The following FAM13B variants were observed in gnomAD, a reference collection of about 807,000 sequenced individuals.
The protein encoded by FAM13B is family with sequence similarity 13 member B.
A neutral mutation model predicts 117.3 loss-of-function variants in FAM13B; 60 were observed. The observed-to-expected ratio is 0.51, with a 90% CI of 0.42 to 0.63. FAM13B has a LOEUF of 0.63. Ranked by LOEUF, FAM13B falls within the 30% of genes least tolerant of loss-of-function variation. The pLI is 0.00. For synonymous variants in FAM13B, 332 were observed against 356.1 expected (o/e 0.93, Z 0.76); for missense variants, 972 against 1,091.9 (o/e 0.89, Z 1.55).
chr5:137,948,887 CTAT>C, intron 18 of FAM13B, 65 bp downstream of exon 18: 1 of 1,206,292 alleles, frequency 8.3e-7, no homozygotes, highest in South Asian at 1.3e-5. Flanking sequence ...CTCTACCCTG[CTAT>C]AGTAATTATT....
At chr5:137,992,489 G>A (rs1170861969) in intron 7 of FAM13B, among the ~76,000 whole-genome samples, 1 of 152,050 alleles carries the variant, frequency 6.6e-6, no homozygotes, top group Non-Finnish European at 1.5e-5. Flanking sequence ...AGCTACTCGG[G>A]AGGCTGAGGC....
chr5:138,011,071 A>C lies in FAM13B; in HGVS notation c.627T>G (p.Tyr209Ter). 6.2e-7 allele frequency: 1 copy of C among 1,609,798 alleles called. No homozygotes were observed. Among genetic ancestry groups the C allele is most frequent in the Non-Finnish European group, 8.5e-7 (1 of 1,179,042 alleles). The change falls in exon 6 of 24, where the codon TAT (tyrosine) becomes TAG (stop). Residue 209 changes from tyrosine to a stop codon, truncating the protein, a stop_gained. Transcript: ENST00000689681. LOFTEE classifies it high-confidence loss of function. Reference protein sequence around the residue: ...RIMAGLLENYYEFFENEEEDF... With the variant: ...RIMAGLLENY The stretch of plus-strand genomic sequence containing the variant: ...CTTCCTCTTCATTCTCAAAAAACTC[A>C]TAGTAGTTTTCCAGAAGTCCAGCCA...
chr5:138,010,712 A>G (rs1217251321), intron 6 of FAM13B, among the ~76,000 whole-genome samples: 1 of 152,120 alleles, frequency 6.6e-6, no homozygotes, highest in African/African-American at 2.4e-5. Context: ...TCTCTGCAAA[A>G]AACCAAAACA....
chr5:137,954,391 C>G lies in FAM13B; in HGVS notation c.1508-15G>C, dbSNP rs768839991. Reference sequence around the variant, plus strand: ...AGGAAATGGCTCTATAAAACAAACACAAAGAATAGTACCATGGGTCTCTTG... The same window carrying G: ...AGGAAATGGCTCTATAAAACAAACAGAAAGAATAGTACCATGGGTCTCTTG... On this transcript the variant is annotated splice_polypyrimidine_tract_variant and intron_variant, in intron 14 of 23. Coordinates refer to ENST00000689681, the MANE Select transcript of FAM13B (RefSeq NM_001385994.1). 2.5e-6 allele frequency: 4 copies of G among 1,605,284 alleles called. No individual in the cohort carries two copies. The highest frequency in any genetic ancestry group is 3.4e-6 in the Non-Finnish European group (4 of 1,174,322).
At chr5:138,044,697 G>A (rs974233715) in intron 1 of FAM13B, among the ~76,000 whole-genome samples, 1 of 152,064 alleles carries the variant, frequency 6.6e-6, no homozygotes, top group African/African-American at 2.4e-5. Flanking sequence ...CAAGCCAAAA[G>A]ACTGGAAAAG....
chr5:138,033,071 A>C lies in FAM13B; in HGVS notation c.-492T>G. On this transcript the variant is annotated 5_prime_UTR_variant, in exon 1 of 24. Transcript: ENST00000689681. The stretch of plus-strand genomic sequence containing the variant: ...AGCCTCCCTAACGGCGAGCGGGAGG[A>C]GAGCGGCTGGCGGGCGGAGGCCGGG... The C allele has an allele frequency of 1.0e-6, 1 of 979,046 alleles. No homozygotes were observed. The highest frequency in any genetic ancestry group is 1.2e-6 in the Non-Finnish European group (1 of 829,062). The allele number at this position is 979,046 out of a possible 1,614,324, so 60.6% of individuals were successfully genotyped here.
chr5:137,981,187 C>T (rs1775640318), intron 10 of FAM13B, among the ~76,000 whole-genome samples: 2 of 149,226 alleles, frequency 1.3e-5, no homozygotes. Flanking sequence ...ACGCTCTCAC[C>T]ATGACCTCCC....
chr5:138,038,810 A>G (rs140404527), intron 1 of FAM13B, among the ~76,000 whole-genome samples: 15 of 152,340 alleles, frequency 9.8e-5, no homozygotes, highest in Admixed American at 9.8e-4. Flanking sequence ...TTATTTATTC[A>G]ACACATATTT....
At chr5:138,000,929 C>CA (rs137895601) in intron 7 of FAM13B, among the ~76,000 whole-genome samples, 420 of 17,844 alleles carry the variant, frequency 0.024, 2 homozygotes, top group East Asian at 0.12. Context: ...GACACTGTCT[C>CA]AAAAAACAAA....
At chr5:137,989,925 G>T (rs544730730) in intron 7 of FAM13B, among the ~76,000 whole-genome samples, 155 of 152,246 alleles carry the variant, frequency 1.0e-3, no homozygotes, top group African/African-American at 3.6e-3. Flanking sequence ...GTACAAAGAA[G>T]AGTGTAGCCA....
intron 1 of FAM13B, among the ~76,000 whole-genome samples, chr5:138,041,787 G>T (rs1581330356): frequency 1.3e-5 from 2 of 151,846 alleles, no homozygotes; most frequent in African/African-American, 4.8e-5. Flanking sequence ...AAAAATTGGG[G>T]GTGGGGGGTG....
chr5:138,009,537 G>A (rs1783426938), intron 6 of FAM13B, among the ~76,000 whole-genome samples: 1 of 152,162 alleles, frequency 6.6e-6, no homozygotes, highest in Non-Finnish European at 1.5e-5. Flanking sequence ...AGGTGCAGTG[G>A]CTCATGCTTG....
intron 17 of FAM13B, among the ~76,000 whole-genome samples, chr5:137,949,815 G>C (rs1364208128): frequency 7.2e-6 from 1 of 139,472 alleles, no homozygotes; most frequent in East Asian, 2.1e-4. Context: ...AAAAAAAAAA[G>C]CTGAGCACTG....
At chr5:137,957,678 G>A (rs534030451) in intron 13 of FAM13B, among the ~76,000 whole-genome samples, 1 of 152,238 alleles carries the variant, frequency 6.6e-6, no homozygotes, top group South Asian at 2.1e-4. Context: ...TGGCTGGGAA[G>A]TTCGCTCAGG....
chr5:137,962,048 TCTC>T (rs1237019659), intron 11 of FAM13B, among the ~76,000 whole-genome samples: 5 of 152,174 alleles, frequency 3.3e-5, no homozygotes, highest in African/African-American at 4.8e-5. Context: ...AAATACAGTA[TCTC>T]TCAGTTAGTT....
At chr5:137,974,925 G>C (rs916512196) in intron 10 of FAM13B, among the ~76,000 whole-genome samples, 11 of 152,162 alleles carry the variant, frequency 7.2e-5, no homozygotes, top group African/African-American at 2.4e-4. Flanking sequence ...ATTCTGTGAA[G>C]TGAAAATGAC....
At chr5:137,959,061 C>T (rs1767373342) in intron 13 of FAM13B, among the ~76,000 whole-genome samples, 1 of 152,124 alleles carries the variant, frequency 6.6e-6, no homozygotes, top group Non-Finnish European at 1.5e-5. Context: ...AATGCATATA[C>T]CCATGTTGTT....
intron 7 of FAM13B, among the ~76,000 whole-genome samples, chr5:138,004,105 C>A (rs1033758467): frequency 1.3e-4 from 19 of 151,978 alleles, no homozygotes; most frequent in African/African-American, 4.6e-4. Context: ...CCCGTCTCTA[C>A]TAAAAATACA....
intron 12 of FAM13B, 151 bp from the exon 13 acceptor site, chr5:137,959,914 A>T (rs1218438100): frequency 1.3e-6 from 1 of 752,662 alleles, no homozygotes; most frequent in Non-Finnish European, 2.1e-6. Flanking sequence ...AACTATTTTC[A>T]AATATAAACA....
Sources: allele counts gnomAD v4.1 joint callset (sites outside exome capture counted in the v4.1 genomes callset), GRCh38; gene constraint gnomAD v4.1.1; transcripts MANE v1.5; gene names NCBI Gene and HGNC (gene_info 2026-07-23, HGNC 2026-07-21).